The following SRGAP3 variants were observed in gnomAD, a reference collection of about 807,000 sequenced individuals.
SRGAP3 encodes SLIT-ROBO Rho GTPase activating protein 3.
SRGAP3 carries 39 observed loss-of-function variants against 121.1 expected under a neutral mutation model. The ratio of observed to expected loss-of-function variants is 0.32; its 90% CI spans 0.25 to 0.42. The LOEUF (loss-of-function observed/expected upper bound fraction) is 0.42, where lower values mean the gene tolerates loss of function less well. Among genes scored for constraint, SRGAP3 ranks in the 10% least tolerant of loss-of-function variants. SRGAP3 has a pLI of 1.00. For synonymous variants in SRGAP3, 601 were observed against 570.0 expected (o/e 1.05, Z -0.77); for missense variants, 1,213 against 1,470.6 (o/e 0.82, Z 2.86).
chr3:9,008,022 A>T (rs955658742), intron 18 of SRGAP3: 1 of 152,258 alleles, frequency 6.6e-6, no homozygotes, highest in African/African-American at 2.4e-5. Flanking sequence ...TGGCTCTCCC[A>T]GACTGTGGCT....
intron 2 of SRGAP3, among the ~76,000 whole-genome samples, chr3:9,118,746 G>A (rs1199223834): frequency 6.6e-6 from 1 of 151,098 alleles, no homozygotes; most frequent in Non-Finnish European, 1.5e-5. Context: ...CCCAGATCTT[G>A]CATTTCTAGC....
chr3:9,196,145 G>C (rs912268072), intron 1 of SRGAP3, among the ~76,000 whole-genome samples: 7 of 152,216 alleles, frequency 4.6e-5, no homozygotes, highest in African/African-American at 1.7e-4. Context: ...TCCAGACGGA[G>C]AGAGCAGTTT....
At chr3:9,206,967 T>C (rs554726009) in intron 1 of SRGAP3, among the ~76,000 whole-genome samples, 24 of 152,298 alleles carry the variant, frequency 1.6e-4, no homozygotes, top group African/African-American at 5.1e-4. Context: ...ACCTGGCACA[T>C]AGTAGATGCT....
intron 14 of SRGAP3, among the ~76,000 whole-genome samples, chr3:9,021,715 G>T (rs1215680782): frequency 6.6e-6 from 1 of 152,194 alleles, no homozygotes; most frequent in African/African-American, 2.4e-5. Flanking sequence ...ACAGAGCCAA[G>T]GAAGAACAAG....
At chr3:9,064,349 C>A (rs774222436) in intron 5 of SRGAP3, 47 bp downstream of exon 5, 1 of 1,613,042 alleles carries the variant, frequency 6.2e-7, no homozygotes. Context: ...TGGCCCTCCC[C>A]TTTGTGCCCT....
chr3:9,268,560 C>T (rs1954413019), intron 3 of SRGAP3, among the ~76,000 whole-genome samples: 1 of 152,008 alleles, frequency 6.6e-6, no homozygotes, highest in African/African-American at 2.4e-5. Context: ...CTAGTTAAGC[C>T]TTCATATGAG....
At chr3:9,228,421 C>G (rs1157499866) in intron 1 of SRGAP3, among the ~76,000 whole-genome samples, 4 of 152,202 alleles carry the variant, frequency 2.6e-5, no homozygotes, top group Non-Finnish European at 4.4e-5. Flanking sequence ...CACAGCCAGA[C>G]CACTTCCTGC....
chr3:9,068,414 G>A (rs1344406112), intron 4 of SRGAP3, among the ~76,000 whole-genome samples: 1 of 151,828 alleles, frequency 6.6e-6, no homozygotes, highest in Non-Finnish European at 1.5e-5. Context: ...CCTGCCCTCC[G>A]ACAGGCCAAA....
In SRGAP3 at chr3:9,305,193, G is replaced by C. The variant is rs1050190092; in HGVS notation, n.442+20817C>G. Among the ~76,000 whole-genome samples, 9 of 152,270 alleles carry C rather than the reference G, an allele frequency of 5.9e-5. No individual in the cohort carries two copies. In the South Asian group the frequency reaches 1.9e-3, roughly 32 times the overall value. ...TGCAGGTCTGCCACCAAAGAAGAGAGAAGGGGAGGAAGGATTGGGCAGGAA... is the reference window on the plus strand; with the variant it reads ...TGCAGGTCTGCCACCAAAGAAGAGACAAGGGGAGGAAGGATTGGGCAGGAA... On this transcript the variant is annotated intron_variant and non_coding_transcript_variant, in intron 3 of 3. Transcript: ENST00000490889.
At chr3:9,299,364 A>T (rs902514753) in intron 3 of SRGAP3, among the ~76,000 whole-genome samples, 6 of 150,544 alleles carry the variant, frequency 4.0e-5, no homozygotes, top group Admixed American at 3.3e-4. Context: ...CGTCCCAAAA[A>T]AAAAAAAAAA....
At chr3:9,030,383 T>A (rs2125085355) in intron 12 of SRGAP3, among the ~76,000 whole-genome samples, 1 of 152,302 alleles carries the variant, frequency 6.6e-6, no homozygotes. Context: ...CTCTTGCCAT[T>A]TTGCACCTCC....
intron 1 of SRGAP3, among the ~76,000 whole-genome samples, chr3:9,201,510 G>C (rs1952067397): frequency 6.6e-6 from 1 of 152,374 alleles, no homozygotes; most frequent in East Asian, 1.9e-4. Flanking sequence ...TCCCCGCCCT[G>C]TGTGCCTCTG....
chr3:9,070,325 G>A (rs557360844), intron 4 of SRGAP3, among the ~76,000 whole-genome samples: 3 of 146,452 alleles, frequency 2.0e-5, no homozygotes, highest in African/African-American at 7.3e-5. Flanking sequence ...GGCTGTCCCT[G>A]GGCACAGTGG....
chr3:9,257,697 C>A (rs1413129384), intron 3 of SRGAP3, among the ~76,000 whole-genome samples: 1 of 81,192 alleles, frequency 1.2e-5, no homozygotes, highest in Non-Finnish European at 2.9e-5. Flanking sequence ...CAAAATAGCT[C>A]CTTTTTTTTT....
intron 2 of SRGAP3, 39 bp downstream of exon 2, chr3:9,124,686 C>G: frequency 6.2e-7 from 1 of 1,612,716 alleles, no homozygotes; most frequent in Non-Finnish European, 8.5e-7. Context: ...CACCCCAGTG[C>G]TGCCTCCCAT....
At chr3:9,143,105 G>A (rs1305351396) in intron 1 of SRGAP3, among the ~76,000 whole-genome samples, 1 of 152,054 alleles carries the variant, frequency 6.6e-6, no homozygotes, top group Admixed American at 6.5e-5. Context: ...CTCCCAAACT[G>A]CTGGGATTAC....
intron 10 of SRGAP3, among the ~76,000 whole-genome samples, chr3:9,045,841 C>T (rs190351881): frequency 1.3e-5 from 2 of 152,274 alleles, no homozygotes; most frequent in African/African-American, 4.8e-5. Flanking sequence ...GGTTAACTGG[C>T]TCATGAGGAA....
At chr3:9,089,649 TA>T (rs57529006) in intron 3 of SRGAP3, among the ~76,000 whole-genome samples, 152,316 of 152,316 alleles carry the variant, frequency 1, 76,158 homozygotes, top group Non-Finnish European at 1. Flanking sequence ...CCTCTTTAGC[TA>T]CACCTGCTCT....
intron 3 of SRGAP3, among the ~76,000 whole-genome samples, chr3:9,261,918 C>G (rs890631073): frequency 4.7e-5 from 7 of 148,206 alleles, no homozygotes; most frequent in Non-Finnish European, 8.9e-5. Context: ...TCAGATTCAC[C>G]AAGGTTGAAA....
Sources: gnomAD v4.1 joint callset for allele counts (sites outside exome capture counted in the v4.1 genomes callset) on GRCh38, gnomAD v4.1.1 for gene constraint, MANE v1.5 for transcripts, NCBI Gene and HGNC (gene_info 2026-07-23, HGNC 2026-07-21) for gene names.